The following OR2L13 variants were observed in gnomAD, a reference collection of about 807,000 sequenced individuals.
The protein encoded by OR2L13 is olfactory receptor 2L13.
A neutral mutation model predicts 15.3 loss-of-function variants in OR2L13; 14 were observed. The ratio of observed to expected loss-of-function variants is 0.91; its 90% CI spans 0.60 to 1.43. The LOEUF is 1.43. OR2L13 is among the 40% of genes most tolerant of loss of function. The pLI is 0.00. For missense variants in OR2L13, 367 were observed against 387.9 expected (o/e 0.95, Z 0.45); for synonymous variants, 152 against 142.9 (o/e 1.06, Z -0.45).
the OR2L13 span, among the ~76,000 whole-genome samples, chr1:248,068,641 C>A: frequency 6.6e-6 from 1 of 151,996 alleles, no homozygotes; most frequent in Non-Finnish European, 1.5e-5. Context: ...CTGACTTTGA[C>A]GAGAGAAGAA....
At chr1:247,964,360 A>G in the OR2L13 span, among the ~76,000 whole-genome samples, 1 of 152,134 alleles carries the variant, frequency 6.6e-6, no homozygotes, top group African/African-American at 2.4e-5. Context: ...GCAAAGCTCT[A>G]ATTGATTATA....
the OR2L13 span, among the ~76,000 whole-genome samples, chr1:248,012,708 T>TG: frequency 7.2e-5 from 11 of 152,098 alleles, no homozygotes; most frequent in Non-Finnish European, 1.6e-4. Context: ...TAATATACAC[T>TG]ACCTACCCTG....
At chr1:247,951,427 G>C in the OR2L13 span, among the ~76,000 whole-genome samples, 2 of 152,200 alleles carry the variant, frequency 1.3e-5, no homozygotes, top group African/African-American at 4.8e-5. Context: ...CGATTTGTTT[G>C]TATTCTTCTT....
exon 3 of OR2L13, chr1:248,099,966 G>A (rs1431044728): frequency 6.2e-7 from 1 of 1,613,994 alleles, no homozygotes; most frequent in Admixed American, 1.7e-5. Flanking sequence ...ATGAATATAT[G>A]GTTTTTGTAA....
At chr1:247,964,462 A>T in the OR2L13 span, among the ~76,000 whole-genome samples, 1 of 152,184 alleles carries the variant, frequency 6.6e-6, no homozygotes, top group Non-Finnish European at 1.5e-5. Flanking sequence ...TTTGCACTCT[A>T]TTGGAAGACT....
the OR2L13 span, chr1:248,042,315 T>G: frequency 2.4e-5 from 3 of 124,938 alleles, no homozygotes; most frequent in African/African-American, 9.4e-5. Flanking sequence ...TGAGAACACA[T>G]GGACACAGGA....
the OR2L13 span, among the ~76,000 whole-genome samples, chr1:248,021,583 A>G: frequency 6.6e-6 from 1 of 152,214 alleles, no homozygotes; most frequent in South Asian, 2.1e-4. Context: ...TTCATCATGT[A>G]GACATTTTGT....
chr1:247,998,902 A>G, the OR2L13 span, among the ~76,000 whole-genome samples: 1 of 152,182 alleles, frequency 6.6e-6, no homozygotes, highest in South Asian at 2.1e-4. Context: ...AGTTTTTGTG[A>G]GAAGCAAATG....
chr1:248,024,778 A>G, the OR2L13 span, among the ~76,000 whole-genome samples: 8,166 of 152,150 alleles, frequency 0.054, 693 homozygotes, highest in African/African-American at 0.18. Context: ...CTCTGTTTTG[A>G]TACCAGTACC....
the OR2L13 span, among the ~76,000 whole-genome samples, chr1:248,031,869 A>G: frequency 5.3e-5 from 8 of 152,168 alleles, no homozygotes; most frequent in African/African-American, 1.9e-4. Flanking sequence ...ATATGGCATT[A>G]CATATGAGAT....
At chr1:248,070,869 A>T in the OR2L13 span, among the ~76,000 whole-genome samples, 1 of 152,072 alleles carries the variant, frequency 6.6e-6, no homozygotes, top group Non-Finnish European at 1.5e-5. Context: ...TAGACTAGAA[A>T]ATCTAGAAGA....
chr1:248,035,158 G>A, the OR2L13 span, among the ~76,000 whole-genome samples: 34 of 150,762 alleles, frequency 2.3e-4, no homozygotes, highest in African/African-American at 7.3e-4. Flanking sequence ...AGACTAAAAA[G>A]TGTCACTCTT....
the OR2L13 span, among the ~76,000 whole-genome samples, chr1:247,992,590 T>A: frequency 6.6e-6 from 1 of 152,168 alleles, no homozygotes; most frequent in Non-Finnish European, 1.5e-5. Flanking sequence ...TGTGGGCCAA[T>A]GCTTAGTTCC....
the OR2L13 span, among the ~76,000 whole-genome samples, chr1:248,014,959 G>A: frequency 8.6e-5 from 13 of 152,014 alleles, no homozygotes; most frequent in African/African-American, 3.1e-4. Flanking sequence ...ACAGTCAAAG[G>A]ATACTTCATA....
the OR2L13 span, among the ~76,000 whole-genome samples, chr1:247,986,804 G>C: frequency 5.9e-5 from 9 of 152,174 alleles, no homozygotes; most frequent in African/African-American, 2.2e-4. Flanking sequence ...GTGGTTTGTT[G>C]TTCTCCTTGT....
the OR2L13 span, among the ~76,000 whole-genome samples, chr1:248,079,724 T>C: frequency 6.6e-6 from 1 of 152,202 alleles, no homozygotes. Flanking sequence ...CTGGGTCAGT[T>C]TGTAATGATC....
At chr1:248,089,441 A>G in the OR2L13 span, among the ~76,000 whole-genome samples, 3 of 152,114 alleles carry the variant, frequency 2.0e-5, no homozygotes, top group Non-Finnish European at 4.4e-5. Flanking sequence ...AAGTTGAGTC[A>G]TGGGGCTTGA....
At chr1:248,070,137 T>G in the OR2L13 span, among the ~76,000 whole-genome samples, 1 of 152,180 alleles carries the variant, frequency 6.6e-6, no homozygotes, top group African/African-American at 2.4e-5. Flanking sequence ...AATAGACATC[T>G]ACAGAACTCT....
the OR2L13 span, chr1:247,949,366 C>A: frequency 6.2e-7 from 1 of 1,614,080 alleles, no homozygotes. Flanking sequence ...TATTGCCGAT[C>A]CAGGGCCATC....
Sources: gnomAD v4.1 joint callset for allele counts (sites outside exome capture counted in the v4.1 genomes callset) on GRCh38, gnomAD v4.1.1 for gene constraint, MANE v1.5 for transcripts, NCBI Gene and HGNC (gene_info 2026-07-23, HGNC 2026-07-21) for gene names.